The following CSF3R variants were observed in gnomAD, a reference collection of about 807,000 sequenced individuals.
The protein encoded by CSF3R is colony stimulating factor 3 receptor, also known as granulocyte colony-stimulating factor receptor.
CSF3R carries 52 observed loss-of-function variants against 84.4 expected under a neutral mutation model. The ratio of observed to expected loss-of-function variants is 0.62; its 90% CI spans 0.49 to 0.78. The LOEUF (loss-of-function observed/expected upper bound fraction) is 0.78. Among genes scored for constraint, CSF3R ranks in the 30% least tolerant of loss-of-function variants. The pLI, the probability that CSF3R is intolerant of heterozygous loss-of-function variation, is 0.00. For missense variants in CSF3R, 890 were observed against 1,055.7 expected, an observed-to-expected ratio of 0.84 and a Z score of 2.17; for synonymous variants, 384 against 429.1, an observed-to-expected ratio of 0.89 and a Z score of 1.30.
At chr1:36,479,139 T>C (rs756097198) in intron 3 of CSF3R, 2 of 471,860 alleles carry the variant, frequency 4.2e-6, no homozygotes, top group Non-Finnish European at 7.9e-6. Context: ...CAAGGCTGCA[T>C]AGGACCCATG....
At chr1:36,480,839 T>G (rs1037973821) in intron 2 of CSF3R, among the ~76,000 whole-genome samples, 1 of 152,186 alleles carries the variant, frequency 6.6e-6, no homozygotes, top group African/African-American at 2.4e-5. Context: ...ACCCAGTGAC[T>G]GCTAGCCCGT....
intron 2 of CSF3R, among the ~76,000 whole-genome samples, chr1:36,481,143 A>C (rs1241522842): frequency 2.0e-5 from 3 of 152,092 alleles, no homozygotes; most frequent in Admixed American, 2.0e-4. Flanking sequence ...TGTGCTTTTG[A>C]TCCTATCCCA....
At chr1:36,476,638 G>A (rs1475163234) in intron 3 of CSF3R, among the ~76,000 whole-genome samples, 1 of 149,632 alleles carries the variant, frequency 6.7e-6, no homozygotes, top group African/African-American at 2.5e-5. Flanking sequence ...TTTTTTTGTT[G>A]TTGTTGTTTT....
At chr1:36,482,387 G>T (rs1373247967) in intron 1 of CSF3R, among the ~76,000 whole-genome samples, 1 of 151,962 alleles carries the variant, frequency 6.6e-6, no homozygotes, top group Non-Finnish European at 1.5e-5. Context: ...CAGGAAATAT[G>T]CGAGACAGAG....
Position 36,471,844 on chromosome 1 carries a change from A to G in CSF3R, c.1072-198T>C, listed in dbSNP as rs906008836. The G allele has an allele frequency of 7.0e-5, 48 of 685,144 alleles. No homozygotes were observed. The African/African-American group carries it at 8.0e-4, about 11-fold the overall frequency. The allele number at this position is 685,144 out of a possible 1,614,324, so 42.4% of individuals were successfully genotyped here. ...AGGGCAGGAAGAAACAAGTTGGTGG[A>G]CACAGCAGGCTCTTAACTATTCACT... On this transcript the variant is annotated intron_variant, in intron 9 of 16. Coordinates refer to ENST00000373106, the MANE Select transcript of CSF3R (RefSeq NM_000760.4).
chr1:36,468,173 C>T lies in CSF3R; in HGVS notation c.1625G>A (p.Trp542Ter), dbSNP rs1650468601. The T allele has an allele frequency of 1.2e-6, 2 of 1,611,334 alleles. No homozygotes were observed. Among genetic ancestry groups the T allele is most frequent in the Non-Finnish European group, 1.7e-6 (2 of 1,178,586 alleles). ...CTCAGGCACCCACTCCAGCTGTGCC[C>T]AGGTCTTGCCAATGTGCTTTAGATG... ...ELHLKHIGKT[W>*]AQLEWVPEPP... The change falls in exon 13 of 17, where the codon TGG (tryptophan) becomes TAG (stop). Residue 542 changes from tryptophan (W) to a stop codon, truncating the protein, a stop_gained. Coordinates refer to ENST00000373106, the MANE Select transcript of CSF3R (RefSeq NM_000760.4). LOFTEE classifies it high-confidence loss of function.
chr1:36,480,080 C>A lies in CSF3R; in HGVS notation c.-20-564G>T, dbSNP rs3917923. 1,663 of 178,550 alleles carry A rather than the reference C, an allele frequency of 9.3e-3. 24 individuals carry two copies. Among genetic ancestry groups the A allele is most frequent in the African/African-American group, 0.036 (1,539 of 42,326 alleles). 11.1% of individuals were successfully genotyped at this position (178,550 alleles called of 1,614,324 possible). A position where few individuals can be genotyped will look rare whatever the true frequency, so the allele number is the denominator to read the frequency against. ...CTGTCCACTGGAGGGTCAATTTATC[C>A]CTTGGATGGGAGGGAAGATGGAAAG... is the stretch of plus-strand genomic sequence containing the variant. On this transcript the variant is annotated intron_variant, in intron 2 of 16. Transcript: ENST00000373106.
In CSF3R at chr1:36,472,415, T is replaced by G. The variant is rs1306360815; in HGVS notation, c.844-24A>C. ...ACCTGGTGAGGGGTGGACAGGACTC[T>G]GAGCCTTGGATCGCTGGGCCATTCT... On this transcript the variant is annotated intron_variant, in intron 7 of 16. Transcript: ENST00000373106. This position sits in a 1 kb window ranked among gnomAD's most constrained non-coding sequence, Gnocchi z 5.0. The G allele has an allele frequency of 3.7e-6, 6 of 1,613,872 alleles. No homozygotes were observed. Among genetic ancestry groups the G allele is most frequent in the Non-Finnish European group, 4.2e-6 (5 of 1,179,980 alleles).
chr1:36,469,563 G>T, intron 11 of CSF3R, 89 bp downstream of exon 11: 2 of 1,440,944 alleles, frequency 1.4e-6, no homozygotes, highest in East Asian at 2.3e-5. Context: ...CATGTCTCTT[G>T]GGCAGTTCAG....
rs776186160 is a variant in CSF3R, at chr1:36,475,507, A to T, written c.231T>A (p.Arg77=). ...AELQPGGRQQ[R]LSDGTQESII... ...TAGATTCCTGGGTCCCATCAGACAG[A>T]CGCTGCTGCCTGCCCCCGGGCTGAA... Residue 77 remains arginine (R), a synonymous_variant, in exon 4 of 17, where the codon CGT becomes CGA. Transcript: ENST00000373106. 1 of 1,614,090 alleles carries T rather than the reference A, an allele frequency of 6.2e-7. No individual in the cohort carries two copies. The highest frequency in any genetic ancestry group is 1.3e-5 in the African/African-American group (1 of 75,028).
intron 10 of CSF3R, 102 bp from the exon 11 acceptor site, chr1:36,469,942 G>T: frequency 1.6e-6 from 2 of 1,265,244 alleles, no homozygotes; most frequent in East Asian, 2.5e-5. Context: ...TACAGGCTGG[G>T]TGACCTTTGG....
intron 13 of CSF3R, 28 bp downstream of exon 13, chr1:36,468,047 G>A (rs1650453780): frequency 6.2e-7 from 1 of 1,614,122 alleles, no homozygotes; most frequent in Admixed American, 1.7e-5. Flanking sequence ...GCCTTCTGGG[G>A]CTGTGGGGGA....
In CSF3R at chr1:36,471,372, G is replaced by A. The variant is rs974214901; in HGVS notation, c.1285+61C>T. On this transcript the variant is annotated intron_variant, in intron 10 of 16. Coordinates refer to ENST00000373106, the MANE Select transcript of CSF3R (RefSeq NM_000760.4). The stretch of plus-strand genomic sequence containing the variant: ...AATAGGACTAGATTTAACCCAGGCA[G>A]TCTAGCCTTTGAATTGATGCGCTTG... 3 of 1,516,980 alleles carry A rather than the reference G, an allele frequency of 2.0e-6. No individual in the cohort carries two copies. In the African/African-American group the frequency reaches 4.1e-5, roughly 21 times the overall value. 94.0% of individuals were successfully genotyped at this position (1,516,980 alleles called of 1,614,324 possible).
chr1:36,472,293 C>A lies in CSF3R; in HGVS notation c.942G>T (p.Leu314=). The A allele has an allele frequency of 6.2e-7, 1 of 1,614,182 alleles. No individual in the cohort carries two copies. Among genetic ancestry groups the A allele is most frequent in the Non-Finnish European group, 8.5e-7 (1 of 1,180,036 alleles). The change falls in exon 8 of 17, where the codon CTG becomes CTT. Residue 314 remains leucine, a synonymous_variant. Coordinates refer to ENST00000373106, the MANE Select transcript of CSF3R (RefSeq NM_000760.4). This position sits in a 1 kb window ranked among gnomAD's most constrained non-coding sequence, Gnocchi z 5.0. ...TLQIRCIRWP[L]PGHWSDWSPS... ...GGCTCCAGTCGCTCCAGTGGCCAGG[C>A]AGGGGCCAGCGGATGCAGCGTATCT...
chr1:36,474,001 T>G (rs1016490529), intron 4 of CSF3R, 114 bp from the exon 5 acceptor site: 51 of 1,493,286 alleles, frequency 3.4e-5, no homozygotes, highest in Non-Finnish European at 4.4e-5. Flanking sequence ...GTTGTCACCT[T>G]GTCTGTCCCC....
rs1420508617 is a variant in CSF3R at position 36,473,445 on chromosome 1, G to A, written c.663C>T (p.Pro221=). 1.9e-6 allele frequency: 3 copies of A among 1,613,630 alleles called. No individual in the cohort carries two copies. The African/African-American group carries it at 4.0e-5, about 22-fold the overall frequency. Reference sequence around the variant, plus strand: ...CCCTGCATCACCCACCAACATCCATGGGATCAAGACACAGTTGTGGGGACA... The same window carrying A: ...CCCTGCATCACCCACCAACATCCATAGGATCAAGACACAGTTGTGGGGACA... ...TSMSPQLCLD[P]MDVVKLEPPM... Residue 221 remains proline, a synonymous_variant, in exon 6 of 17, where the codon CCC becomes CCT. Coordinates refer to ENST00000373106, the MANE Select transcript of CSF3R (RefSeq NM_000760.4).
At chr1:36,469,622 G>T (rs2124109142) in intron 11 of CSF3R, 30 bp downstream of exon 11, 1 of 1,612,808 alleles carries the variant, frequency 6.2e-7, no homozygotes. Flanking sequence ...TTTGTCCCTG[G>T]CCCTGCCCAA....
At chr1:36,475,336 G>C (rs767041452) in intron 4 of CSF3R, 41 bp downstream of exon 4, 3 of 1,609,380 alleles carry the variant, frequency 1.9e-6, no homozygotes, top group Non-Finnish European at 2.5e-6. Flanking sequence ...TTGGCAGGAG[G>C]GTGTTGGAGG....
chr1:36,472,646 G>T lies in CSF3R; in HGVS notation c.714C>A (p.Ser238Arg). ...CTGCCTGGGGAGGGGCCGCTTCAGG[G>T]CTGGGGTCCATGGTCCGCAGCATGG... is the stretch of plus-strand genomic sequence containing the variant. ...EPPMLRTMDP[S>R]PEAAPPQAGC... is the part of the protein sequence containing the mutation. Residue 238 changes from serine (S) to arginine (R), a missense_variant, in exon 7 of 17, where the codon AGC (serine) becomes AGA (arginine). By Grantham distance (110) the Ser-to-Arg change is moderately radical. Transcript: ENST00000373106. This position sits in a 1 kb window ranked among gnomAD's most constrained non-coding sequence, Gnocchi z 5.0. The T allele has an allele frequency of 6.2e-7, 1 of 1,610,448 alleles. No homozygotes were observed. The highest frequency in any genetic ancestry group is 8.5e-7 in the Non-Finnish European group (1 of 1,178,030).
Sources: allele counts gnomAD v4.1 joint callset (sites outside exome capture counted in the v4.1 genomes callset), GRCh38; gene constraint gnomAD v4.1.1; non-coding constraint Gnocchi (gnomAD v3.1); transcripts MANE v1.5; gene names NCBI Gene and HGNC (gene_info 2026-07-23, HGNC 2026-07-21).